The following KCNH7 variants were observed in gnomAD, a reference collection of about 807,000 sequenced individuals.
KCNH7 encodes voltage-gated inwardly rectifying potassium channel KCNH7.
KCNH7 carries 49 observed loss-of-function variants against 120.8 expected under a neutral mutation model. The observed-to-expected ratio is 0.41, with a 90% CI of 0.32 to 0.51. The LOEUF (loss-of-function observed/expected upper bound fraction) is 0.51, where lower values mean the gene tolerates loss of function less well. KCNH7 is among the 20% of genes least tolerant of loss of function. The pLI is 0.38. For synonymous variants in KCNH7, 547 were observed against 516.1 expected, an observed-to-expected ratio of 1.06 and a Z score of -0.81; for missense variants, 1,097 against 1,446.6, an observed-to-expected ratio of 0.76 and a Z score of 3.92.
intron 2 of KCNH7, among the ~76,000 whole-genome samples, chr2:162,749,926 G>C (rs1326147435): frequency 6.6e-6 from 1 of 152,148 alleles, no homozygotes; most frequent in Non-Finnish European, 1.5e-5. Context: ...ATAGAAATAG[G>C]TAAATCTTTT....
chr2:162,511,577 T>C (rs1691075508), intron 5 of KCNH7, among the ~76,000 whole-genome samples: 1 of 149,536 alleles, frequency 6.7e-6, no homozygotes, highest in Non-Finnish European at 1.5e-5. Flanking sequence ...GCCTACAAAA[T>C]AAAATTGGGG....
chr2:162,822,518 C>T (rs1053735033), intron 2 of KCNH7, among the ~76,000 whole-genome samples: 19 of 152,116 alleles, frequency 1.2e-4, no homozygotes, highest in African/African-American at 4.6e-4. Context: ...CCAGTGTTCA[C>T]AATATGAAAC....
chr2:162,377,877 T>G (rs887792958), intron 14 of KCNH7, among the ~76,000 whole-genome samples: 31 of 152,338 alleles, frequency 2.0e-4, no homozygotes, highest in Non-Finnish European at 3.2e-4. Flanking sequence ...AATAACATAC[T>G]AATGTAATAA....
At chr2:162,644,327 A>G (rs1195652119) in intron 2 of KCNH7, among the ~76,000 whole-genome samples, 1 of 152,080 alleles carries the variant, frequency 6.6e-6, no homozygotes, top group East Asian at 1.9e-4. Context: ...TTTTTAATAA[A>G]GTTGTCCACG....
At chr2:162,374,271 T>C (rs1686081277) in intron 14 of KCNH7, among the ~76,000 whole-genome samples, 1 of 152,216 alleles carries the variant, frequency 6.6e-6, no homozygotes, top group Non-Finnish European at 1.5e-5. Flanking sequence ...CAGACCAAAC[T>C]TGACTTCACT....
At chr2:162,789,337 A>G (rs1186528066) in intron 2 of KCNH7, among the ~76,000 whole-genome samples, 1 of 152,102 alleles carries the variant, frequency 6.6e-6, no homozygotes, top group Admixed American at 6.5e-5. Flanking sequence ...TACAATATCT[A>G]TTGAAGCATC....
intron 2 of KCNH7, among the ~76,000 whole-genome samples, chr2:162,819,637 C>T (rs535607379): frequency 6.6e-6 from 1 of 152,240 alleles, no homozygotes; most frequent in South Asian, 2.1e-4. Flanking sequence ...ACTTGAAAGA[C>T]AGATTTTCTT....
intron 2 of KCNH7, among the ~76,000 whole-genome samples, chr2:162,553,664 G>GAAAAC (rs1365743614): frequency 6.6e-6 from 1 of 151,920 alleles, no homozygotes; most frequent in Admixed American, 6.6e-5. Flanking sequence ...GAAAAGAAAA[G>GAAAAC]AAAAGAAAAG....
chr2:162,763,915 C>T (rs953148106), intron 2 of KCNH7, among the ~76,000 whole-genome samples: 1 of 151,868 alleles, frequency 6.6e-6, no homozygotes, highest in East Asian at 1.9e-4. Context: ...AATACCATAA[C>T]AAATTGATGT....
At position 162,560,804 on chromosome 2, in the gene KCNH7, A is replaced by T. The variant is rs79431069; in HGVS notation, c.308-23724T>A. Among the ~76,000 whole-genome samples, 24 of 152,326 alleles carry T rather than the reference A, an allele frequency of 1.6e-4. No individual in the cohort carries two copies. The East Asian group carries it at 3.5e-3, about 22-fold the overall frequency. ...AATAAATATAGTTTTATTACTACAA[A>T]TACTTGTGATTTAAAAGTATTGCAG... On this transcript the variant is annotated intron_variant, in intron 2 of 15. Coordinates refer to ENST00000332142, the MANE Select transcript of KCNH7 (RefSeq NM_033272.4).
intron 2 of KCNH7, among the ~76,000 whole-genome samples, chr2:162,832,973 C>T (rs10930073): frequency 0.6 from 91,177 of 151,822 alleles, 28,366 homozygotes; most frequent in South Asian, 0.84. Flanking sequence ...AAAGTAGCAC[C>T]ATACATTTCT....
At chr2:162,436,113 A>G (rs1015638364) in intron 7 of KCNH7, among the ~76,000 whole-genome samples, 1 of 152,126 alleles carries the variant, frequency 6.6e-6, no homozygotes, top group African/African-American at 2.4e-5. Context: ...ACAAAGTGCC[A>G]TGATGATAGT....
At chr2:162,430,877 T>C (rs1419204509) in intron 8 of KCNH7, among the ~76,000 whole-genome samples, 1 of 151,768 alleles carries the variant, frequency 6.6e-6, no homozygotes, top group Non-Finnish European at 1.5e-5. Context: ...ATATACATGT[T>C]ATTTATAATA....
intron 6 of KCNH7, among the ~76,000 whole-genome samples, chr2:162,490,258 C>A (rs776603468): frequency 1.3e-5 from 2 of 152,174 alleles, no homozygotes; most frequent in African/African-American, 2.4e-5. Flanking sequence ...GTGGAGCCAC[C>A]GGGAATTAGT....
chr2:162,756,980 A>C lies in KCNH7; in HGVS notation c.307+79557T>G, dbSNP rs305675. ...TTTAAAGCCTAAGTTAGTCATCAAA[A>C]TATAATATAACCGTGGTAAAATTAA... On this transcript the variant is annotated intron_variant, in intron 2 of 15. Coordinates refer to ENST00000332142, the MANE Select transcript of KCNH7 (RefSeq NM_033272.4). 0.014 allele frequency among the ~76,000 whole-genome samples: 2,130 copies of C among 152,278 alleles called. 78 individuals carry two copies. The East Asian group carries it at 0.16, about 11-fold the overall frequency.
In KCNH7 at chr2:162,446,265, C is replaced by G. The variant is rs781496703; in HGVS notation, c.1307G>C (p.Arg436Thr). The G allele has an allele frequency of 1.2e-6, 2 of 1,613,842 alleles. No individual in the cohort carries two copies. Among genetic ancestry groups the G allele is most frequent in the Non-Finnish European group, 8.5e-7 (1 of 1,179,914 alleles). Residue 436 changes from arginine (R) to threonine (T), a missense_variant, in exon 7 of 16, where the codon AGA (arginine) becomes ACA (threonine). This residue lies in a region of KCNH7 where 109 missense variants were observed against 196.8 expected (regional missense o/e 0.55). Coordinates refer to ENST00000332142, the MANE Select transcript of KCNH7 (RefSeq NM_033272.4). ...PYSAAFLLND[R>T]EEQKRRECGY... The stretch of plus-strand genomic sequence containing the variant: ...ACATTCTCGTCTTTTCTGTTCTTCT[C>G]TGTCATTGAGGAGGAAGGCTGCAGA...
At chr2:162,731,370 T>C (rs1687724321) in intron 2 of KCNH7, among the ~76,000 whole-genome samples, 1 of 151,202 alleles carries the variant, frequency 6.6e-6, no homozygotes, top group African/African-American at 2.4e-5. Flanking sequence ...TCTATAACTT[T>C]GTTTGAAATA....
intron 2 of KCNH7, among the ~76,000 whole-genome samples, chr2:162,670,869 A>C (rs992951): frequency 0.17 from 25,391 of 152,054 alleles, 2,457 homozygotes; most frequent in East Asian, 0.46. Context: ...AACTTAAAGA[A>C]AAAGATTATC....
Position 162,518,062 on chromosome 2 carries a change from G to A in KCNH7, c.560C>T (p.Ser187Leu), listed in dbSNP as rs749012826. ...TACTGAATCATCACTGTGTTTAGATGAATCGATGACCACCACATCGGGGTC... is the reference window on the plus strand; with the variant it reads ...TACTGAATCATCACTGTGTTTAGATAAATCGATGACCACCACATCGGGGTC... Reference protein sequence around the residue: ...QEDPDVVVIDSSKHSDDSVAM... With the variant: ...QEDPDVVVIDLSKHSDDSVAM... Residue 187 changes from serine to leucine, a missense_variant, in exon 4 of 16, where the codon TCA becomes TTA. By Grantham distance (145) the Ser-to-Leu change is moderately radical (BLOSUM62 -2). This residue lies in a region of KCNH7 where 362 missense variants were observed against 372.2 expected (regional missense o/e 0.97). Coordinates refer to ENST00000332142, the MANE Select transcript of KCNH7 (RefSeq NM_033272.4). 1 of 1,612,400 alleles carries A rather than the reference G, an allele frequency of 6.2e-7. No individual in the cohort carries two copies. Among genetic ancestry groups the A allele is most frequent in the Admixed American group, 1.7e-5 (1 of 59,928 alleles).
Sources: gnomAD v4.1 joint callset for allele counts (sites outside exome capture counted in the v4.1 genomes callset) on GRCh38, gnomAD v4.1.1 for gene constraint, gnomAD v4.1.1 regional missense constraint, MANE v1.5 for transcripts, NCBI Gene and HGNC (gene_info 2026-07-23, HGNC 2026-07-21) for gene names.